Variants in MORC1 observed in about 807,000 individuals in gnomAD.
MORC1 encodes the protein MORC family CW-type zinc finger 1, also known as MORC family CW-type zinc finger protein 1.
A neutral mutation model predicts 134.9 loss-of-function variants in MORC1; 59 were observed. The observed-to-expected ratio is 0.44, with a 90% CI of 0.35 to 0.54. The LOEUF (loss-of-function observed/expected upper bound fraction) is 0.54, where lower values mean the gene tolerates loss of function less well. Among genes scored for constraint, MORC1 ranks in the 20% least tolerant of loss-of-function variants. The probability of loss-of-function intolerance (pLI) is 0.00; values close to 1 mark genes in which losing one functional copy is unlikely to be tolerated. For missense variants in MORC1, 947 were observed against 1,134.5 expected (o/e 0.83, Z 2.37); for synonymous variants, 395 against 391.7 (o/e 1.01, Z -0.10).
chr3:108,978,323 A>G (rs1947620784), intron 24 of MORC1, among the ~76,000 whole-genome samples: 2 of 152,178 alleles, frequency 1.3e-5, no homozygotes, highest in Admixed American at 6.5e-5. Flanking sequence ...AGCAGTCTGT[A>G]TTCATTGCTC....
chr3:109,025,558 T>G (rs1949056576), intron 17 of MORC1, among the ~76,000 whole-genome samples: 1 of 151,904 alleles, frequency 6.6e-6, no homozygotes, highest in Non-Finnish European at 1.5e-5. Context: ...ATTTTTTGTA[T>G]TTTCTGTAGA....
rs188903768 is a variant in MORC1 at position 108,963,058 on chromosome 3, T to C, written c.2799+356A>G. Reference sequence around the variant, plus strand: ...TTCTGAACTAAGATACAAAAGAATGTGTGCCTGTAGTTCCAGCTACTCGGA... The same window carrying C: ...TTCTGAACTAAGATACAAAAGAATGCGTGCCTGTAGTTCCAGCTACTCGGA... On this transcript the variant is annotated intron_variant, in intron 27 of 27. Coordinates refer to ENST00000232603, the MANE Select transcript of MORC1 (RefSeq NM_014429.4). Among the ~76,000 whole-genome samples, 8 of 152,054 alleles carry C rather than the reference T, an allele frequency of 5.3e-5. No individual in the cohort carries two copies. The East Asian group carries it at 1.5e-3, about 29-fold the overall frequency.
chr3:108,983,592 C>CA (rs947462866), intron 23 of MORC1, among the ~76,000 whole-genome samples: 19 of 152,248 alleles, frequency 1.2e-4, no homozygotes, highest in African/African-American at 4.6e-4. Context: ...AATGGGAAGA[C>CA]AGAGATTCAA....
chr3:108,966,698 T>A lies in MORC1; in HGVS notation c.2604+2971A>T, dbSNP rs2593936. On this transcript the variant is annotated intron_variant, in intron 26 of 27. Transcript: ENST00000232603. Reference sequence around the variant, plus strand: ...CACATGGAAAAACTGAGAGTCTTCATATAAAACATAATATTGACCAAGCTC... The same window carrying A: ...CACATGGAAAAACTGAGAGTCTTCAAATAAAACATAATATTGACCAAGCTC... Among the ~76,000 whole-genome samples the A allele has an allele frequency of 1.8e-3, 277 of 152,068 alleles. 2 individuals are homozygous for A. The highest frequency in any genetic ancestry group is 5.9e-3 in the African/African-American group (245 of 41,474).
chr3:108,996,792 T>C (rs1384055088), intron 21 of MORC1, among the ~76,000 whole-genome samples: 1 of 150,902 alleles, frequency 6.6e-6, no homozygotes, highest in Non-Finnish European at 1.5e-5. Flanking sequence ...GGGCGGATCA[T>C]GAGTTGAGGA....
At chr3:108,995,074 A>G (rs1948163233) in intron 21 of MORC1, among the ~76,000 whole-genome samples, 1 of 152,220 alleles carries the variant, frequency 6.6e-6, no homozygotes, top group South Asian at 2.1e-4. Context: ...AGGGGCATGG[A>G]AAATACCAGA....
At chr3:109,106,054 G>A (rs1402659557) in intron 3 of MORC1, among the ~76,000 whole-genome samples, 2 of 152,190 alleles carry the variant, frequency 1.3e-5, no homozygotes, top group African/African-American at 4.8e-5. Context: ...CTCTGCATAA[G>A]GCAGTAGCTC....
Position 108,958,346 on chromosome 3 carries a change from C to T in MORC1, c.*619G>A, listed in dbSNP as rs747693492. The T allele has an allele frequency of 3.3e-5, 5 of 150,860 alleles. No homozygotes were observed. The highest frequency in any genetic ancestry group is 6.6e-5 in the Admixed American group (1 of 15,142). The allele number at this position is 150,860 out of a possible 1,614,324, so 9.3% of individuals were successfully genotyped here. ...AAAAGTGTAAAAACATACTTCTTTA[C>T]GTATATGTAAATGTAAAACAACAAT... On this transcript the variant is annotated 3_prime_UTR_variant, in exon 28 of 28. Coordinates refer to ENST00000232603, the MANE Select transcript of MORC1 (RefSeq NM_014429.4).
At chr3:108,982,720 A>AT (rs2107455374) in intron 23 of MORC1, among the ~76,000 whole-genome samples, 1 of 112,952 alleles carries the variant, frequency 8.9e-6, no homozygotes, top group Non-Finnish European at 2.0e-5. Context: ...CCTAGAACTT[A>AT]AAGTATAAAA....
At chr3:109,047,285 G>A (rs547323872) in intron 14 of MORC1, among the ~76,000 whole-genome samples, 1 of 152,132 alleles carries the variant, frequency 6.6e-6, no homozygotes, top group East Asian at 1.9e-4. Context: ...TCTTCCTTTA[G>A]GTATGGCAGG....
intron 3 of MORC1, among the ~76,000 whole-genome samples, chr3:109,109,368 T>C (rs1951112782): frequency 6.6e-6 from 1 of 152,186 alleles, no homozygotes. Flanking sequence ...CCTAGAATAA[T>C]AGACAACAAA....
At chr3:109,059,018 T>C (rs1540535) in intron 12 of MORC1, among the ~76,000 whole-genome samples, 30,668 of 152,072 alleles carry the variant, frequency 0.2, 3,475 homozygotes, top group Middle Eastern at 0.33. Context: ...TTCTATGACA[T>C]TTATTTACAT....
At chr3:108,969,632 T>C in intron 26 of MORC1, 37 bp downstream of exon 26, 1 of 1,572,680 alleles carries the variant, frequency 6.4e-7, no homozygotes, top group East Asian at 2.2e-5. Flanking sequence ...CACAGGATCA[T>C]TTAGAATATA....
intron 14 of MORC1, among the ~76,000 whole-genome samples, chr3:109,046,934 A>G (rs1459905171): frequency 6.6e-6 from 1 of 152,188 alleles, no homozygotes; most frequent in Admixed American, 6.5e-5. Context: ...GCTTTATTAT[A>G]GTGAAATGAA....
At chr3:108,967,205 C>A (rs1015463042) in intron 26 of MORC1, among the ~76,000 whole-genome samples, 2 of 152,046 alleles carry the variant, frequency 1.3e-5, no homozygotes, top group African/African-American at 4.8e-5. Flanking sequence ...ACTCTGTTCA[C>A]CCTGAATAAA....
rs1235492182 is a variant in MORC1, at chr3:109,004,816, C to A, written c.2085+1G>T. On this transcript the variant is annotated splice_donor_variant, in intron 20 of 27. Transcript: ENST00000232603. LOFTEE classifies it high-confidence loss of function. ...ATACAAATTTAAAAGCCTTTTCCCA[C>A]CTGGGCATTCTTCAGGCACCCTTCA... is the stretch of plus-strand genomic sequence containing the variant. 6.2e-7 allele frequency: 1 copy of A among 1,613,032 alleles called. No individual in the cohort carries two copies. Among genetic ancestry groups the A allele is most frequent in the South Asian group, 1.1e-5 (1 of 90,802 alleles).
chr3:109,055,131 A>C lies in MORC1; in HGVS notation c.1176-249T>G, dbSNP rs143470996. Among the ~76,000 whole-genome samples, 284 of 152,312 alleles carry C rather than the reference A, an allele frequency of 1.9e-3. 3 individuals carry two copies. The highest frequency in any genetic ancestry group is 6.1e-3 in the African/African-American group (252 of 41,566). ...AGAGTTAATACGACTCGTTTTACAAATCTATCGCCTTACGTGGAGAGTGAG... is the reference window on the plus strand; with the variant it reads ...AGAGTTAATACGACTCGTTTTACAACTCTATCGCCTTACGTGGAGAGTGAG... On this transcript the variant is annotated intron_variant, in intron 13 of 27. Coordinates refer to ENST00000232603, the MANE Select transcript of MORC1 (RefSeq NM_014429.4).
chr3:109,094,886 T>A, intron 7 of MORC1, 23 bp downstream of exon 7: 1 of 1,536,054 alleles, frequency 6.5e-7, no homozygotes, highest in Non-Finnish European at 8.7e-7. Context: ...TCCATCAAAT[T>A]GTCAGAGTTT....
chr3:109,040,373 A>T (rs1193009696), intron 14 of MORC1, among the ~76,000 whole-genome samples: 1 of 101,076 alleles, frequency 9.9e-6, no homozygotes, highest in African/African-American at 3.4e-5. Flanking sequence ...AAAGAAAGAA[A>T]GAAAGAAAGA....
Sources: allele counts gnomAD v4.1 joint callset (sites outside exome capture counted in the v4.1 genomes callset), GRCh38; gene constraint gnomAD v4.1.1; transcripts MANE v1.5; gene names NCBI Gene and HGNC (gene_info 2026-07-23, HGNC 2026-07-21).